FANCA: variants seen among roughly 807,000 people sequenced by gnomAD.
The protein encoded by FANCA is Fanconi anemia group A protein.
FANCA carries 236 observed loss-of-function variants against 194.3 expected under a neutral mutation model. The observed-to-expected ratio is 1.21, with a 90% CI of 1.09 to 1.35. The LOEUF is 1.35. Ranked by LOEUF, FANCA falls within the 40% of genes most tolerant of loss-of-function variation. The probability of loss-of-function intolerance (pLI) is 0.00; values close to 1 mark genes in which losing one functional copy is unlikely to be tolerated. For synonymous variants in FANCA, 1,014 were observed against 715.8 expected (o/e 1.42, Z -6.65); for missense variants, 2,628 against 1,813.9 (o/e 1.45, Z -8.15).
chr16:89,804,841 G>C (rs539049588), intron 7 of FANCA, among the ~76,000 whole-genome samples: 3 of 152,194 alleles, frequency 2.0e-5, no homozygotes, highest in East Asian at 3.9e-4. Context: ...AGAGCAGCCT[G>C]GCCAACCTAA....
intron 24 of FANCA, 83 bp from the exon 25 acceptor site, chr16:89,770,342 C>G: frequency 7.6e-7 from 1 of 1,308,424 alleles, no homozygotes; most frequent in South Asian, 1.3e-5. Flanking sequence ...CACCAGCGGC[C>G]GAAGAAAGAG....
In FANCA at chr16:89,805,403, A is replaced by T; in HGVS notation, c.597-11T>A. The T allele has an allele frequency of 6.3e-7, 1 of 1,599,882 alleles. No homozygotes were observed. Among genetic ancestry groups the T allele is most frequent in the Non-Finnish European group, 8.6e-7 (1 of 1,167,408 alleles). On this transcript the variant is annotated splice_polypyrimidine_tract_variant and intron_variant, in intron 6 of 42. Coordinates refer to ENST00000389301, the MANE Select transcript of FANCA (RefSeq NM_000135.4). ...TGCATGTCGGGATGGCTGGAGACAC[A>T]CACAGAGGCAGACGTAAGGCTCAAC...
At chr16:89,809,518 A>G (rs1272404607) in intron 5 of FANCA, among the ~76,000 whole-genome samples, 1 of 152,082 alleles carries the variant, frequency 6.6e-6, no homozygotes, top group Non-Finnish European at 1.5e-5. Context: ...ATTGAAGACC[A>G]GCCTGGCCAA....
intron 30 of FANCA, among the ~76,000 whole-genome samples, chr16:89,753,345 T>TC (rs1165444857): frequency 1.3e-5 from 2 of 152,102 alleles, no homozygotes; most frequent in Non-Finnish European, 2.9e-5. Flanking sequence ...GTGGTAGTGG[T>TC]CCCCCGGGCC....
chr16:89,770,060 C>G (rs1398862935), intron 25 of FANCA, 36 bp from the exon 26 acceptor site: 4 of 1,602,612 alleles, frequency 2.5e-6, no homozygotes, highest in South Asian at 2.2e-5. Context: ...GCAGACTGCC[C>G]TCTTCCAAGC....
Position 89,770,160 on chromosome 16 carries a change from C to A in FANCA, c.2316+6G>T, listed in dbSNP as rs1399631313. On this transcript the variant is annotated splice_donor_region_variant and intron_variant, in intron 25 of 42. Coordinates refer to ENST00000389301, the MANE Select transcript of FANCA (RefSeq NM_000135.4). ...CAAGGGTGGCCCCCATGAAGGAGAG[C>A]CTCACCTGGTGACGGAGCAGCTGGC... The A allele has an allele frequency of 6.3e-6, 10 of 1,584,568 alleles. No homozygotes were observed. Among genetic ancestry groups the A allele is most frequent in the African/African-American group, 4.0e-5 (3 of 74,750 alleles).
chr16:89,773,065 G>C (rs1023627976), intron 22 of FANCA, among the ~76,000 whole-genome samples: 1 of 152,074 alleles, frequency 6.6e-6, no homozygotes, highest in Admixed American at 6.6e-5. Flanking sequence ...TTCTGCCAAG[G>C]GTCTGTGACA....
At chr16:89,799,446 G>A (rs770567776) in intron 9 of FANCA, among the ~76,000 whole-genome samples, 159 bp downstream of exon 9, 16 of 152,148 alleles carry the variant, frequency 1.1e-4, no homozygotes, top group Non-Finnish European at 2.2e-4. Context: ...TCCCTTCACA[G>A]CTCTGAAAAT....
At chr16:89,789,017 C>G (rs2039982888) in intron 14 of FANCA, among the ~76,000 whole-genome samples, 1 of 151,954 alleles carries the variant, frequency 6.6e-6, no homozygotes, top group African/African-American at 2.4e-5. Flanking sequence ...AGGGAGACAC[C>G]TGAGCCGCGG....
At chr16:89,794,402 T>C (rs1200805974) in intron 11 of FANCA, among the ~76,000 whole-genome samples, 2 of 151,962 alleles carry the variant, frequency 1.3e-5, no homozygotes, top group Non-Finnish European at 2.9e-5. Context: ...ATACAAAAAG[T>C]AGCTGGGCAT....
At chr16:89,796,821 G>C (rs1245685001) in intron 10 of FANCA, among the ~76,000 whole-genome samples, 1 of 152,052 alleles carries the variant, frequency 6.6e-6, no homozygotes, top group Non-Finnish European at 1.5e-5. Flanking sequence ...AGGAGATCAA[G>C]ACTACCCTGG....
intron 32 of FANCA, 76 bp downstream of exon 32, chr16:89,749,654 A>G (rs1016187535): frequency 1.9e-6 from 3 of 1,538,564 alleles, no homozygotes; most frequent in African/African-American, 1.4e-5. Flanking sequence ...ACTCACTACA[A>G]AGAACCTCTA....
chr16:89,810,730 A>G lies in FANCA; in HGVS notation c.499T>C (p.Cys167Arg), dbSNP rs1449541412. 6.2e-7 allele frequency: 1 copy of G among 1,611,320 alleles called. No individual in the cohort carries two copies. The highest frequency in any genetic ancestry group is 1.7e-5 in the Admixed American group (1 of 59,994). Residue 167 changes from cysteine to arginine, a missense_variant, in exon 5 of 43, where the codon TGT becomes CGT. By Grantham distance (180) the Cys-to-Arg change is radical. Transcript: ENST00000389301. ...AHSMFSRLSF[C>R]QELWKIQSSL... ...ACCTGTATTTTCCATAATTCTTGAC[A>G]GAAGGAAAGACGGGAGAACATACTG...
intron 6 of FANCA, among the ~76,000 whole-genome samples, chr16:89,806,034 T>G (rs1337925135): frequency 6.6e-6 from 1 of 152,132 alleles, no homozygotes; most frequent in East Asian, 1.9e-4. Flanking sequence ...TGCCTCAGCC[T>G]CCACAACGGC....
At chr16:89,748,918 A>G (rs1196636211) in intron 32 of FANCA, 151 bp from the exon 33 acceptor site, 3 of 711,614 alleles carry the variant, frequency 4.2e-6, no homozygotes, top group African/African-American at 1.7e-5. Context: ...TGTCCCATCC[A>G]AAGCCTGCAC....
At chr16:89,749,665 G>C in intron 32 of FANCA, 65 bp downstream of exon 32, 1 of 1,557,572 alleles carries the variant, frequency 6.4e-7, no homozygotes, top group Non-Finnish European at 8.7e-7. Context: ...AGAACCTCTA[G>C]GACCGTCATG....
intron 3 of FANCA, among the ~76,000 whole-genome samples, chr16:89,814,038 G>A (rs2041007396): frequency 6.6e-6 from 1 of 152,262 alleles, no homozygotes; most frequent in East Asian, 1.9e-4. Flanking sequence ...TCAAGGGAGC[G>A]CTATTACTGA....
intron 28 of FANCA, 117 bp downstream of exon 28, chr16:89,764,773 G>A (rs756091498): frequency 1.7e-5 from 21 of 1,230,366 alleles, no homozygotes; most frequent in Middle Eastern, 1.9e-4. Flanking sequence ...GACTCGGGAC[G>A]TGGCATGATG....
Position 89,815,957 on chromosome 16 carries a change from G to T in FANCA, c.109C>A (p.Pro37Thr). The change falls in exon 2 of 43, where the codon CCT (proline) becomes ACT (threonine). Residue 37 changes from proline (P) to threonine (T), a missense_variant. Pro to Thr is a conservative substitution (Grantham distance 38). Transcript: ENST00000389301. ...AGRVKREKYNPERAQKLKESA... is the reference protein window; with the variant it reads ...AGRVKREKYNTERAQKLKESA... ...TCCTTTAATTTCTGTGCCCTTTCAG[G>T]ATTATATTTTTCCCTCTTGACCCTT... The T allele has an allele frequency of 1.2e-6, 2 of 1,614,078 alleles. No homozygotes were observed. The highest frequency in any genetic ancestry group is 1.7e-6 in the Non-Finnish European group (2 of 1,179,916).
Sources: allele counts gnomAD v4.1 joint callset (sites outside exome capture counted in the v4.1 genomes callset), GRCh38; gene constraint gnomAD v4.1.1; transcripts MANE v1.5; gene names NCBI Gene and HGNC (gene_info 2026-07-23, HGNC 2026-07-21).